ASIP: variants seen among roughly 807,000 people sequenced by gnomAD.
ASIP encodes agouti signaling protein, also known as agouti-signaling protein.
Under a neutral mutation model 10.3 loss-of-function variants are expected in ASIP, and 11 were observed. The observed-to-expected ratio is 1.07, with a 90% CI of 0.68 to 1.78. ASIP has a LOEUF of 1.78. ASIP is among the 40% of genes most tolerant of loss of function. The probability of loss-of-function intolerance (pLI) is 0.00; values close to 1 mark genes in which losing one functional copy is unlikely to be tolerated. For missense variants in ASIP, 180 were observed against 169.2 expected (o/e 1.06, Z -0.35); for synonymous variants, 70 against 70.8 (o/e 0.99, Z 0.06).
At chr20:34,220,192 G>A (rs2035036482) in intron 1 of ASIP, among the ~76,000 whole-genome samples, 1 of 152,064 alleles carries the variant, frequency 6.6e-6, no homozygotes. Flanking sequence ...CCCATAAAAG[G>A]AACAGATAAT....
upstream of ASIP, among the ~76,000 whole-genome samples, chr20:34,192,102 T>C (rs540165376): frequency 6.6e-6 from 1 of 152,022 alleles, no homozygotes; most frequent in Non-Finnish European, 1.5e-5. Context: ...AATGGCCCGA[T>C]CTCGGCTCAC....
chr20:34,255,823 GACCT>G (rs1403262090), intron 1 of ASIP, among the ~76,000 whole-genome samples: 1 of 152,186 alleles, frequency 6.6e-6, no homozygotes, highest in Non-Finnish European at 1.5e-5. Flanking sequence ...TTACCTAGTG[GACCT>G]TGGTCTAGTG....
At chr20:34,249,374 G>A (rs2035436880) in intron 1 of ASIP, among the ~76,000 whole-genome samples, 1 of 151,124 alleles carries the variant, frequency 6.6e-6, no homozygotes, top group Non-Finnish European at 1.5e-5. Flanking sequence ...TTAGACAGCT[G>A]AAGGTGATGT....
At chr20:34,216,072 C>G (rs1265427209) in intron 1 of ASIP, among the ~76,000 whole-genome samples, 1 of 152,402 alleles carries the variant, frequency 6.6e-6, no homozygotes, top group Non-Finnish European at 1.5e-5. Context: ...GGCCCTCGTC[C>G]TTGTCGCCGT....
intron 1 of ASIP, chr20:34,214,039 G>T: frequency 7.2e-7 from 1 of 1,379,968 alleles, no homozygotes; most frequent in Non-Finnish European, 1.0e-6. Context: ...CCTTTCTGCC[G>T]GGTATTCATT....
At chr20:34,250,615 T>C (rs976133615) in intron 1 of ASIP, among the ~76,000 whole-genome samples, 3 of 152,140 alleles carry the variant, frequency 2.0e-5, no homozygotes, top group Non-Finnish European at 2.9e-5. Context: ...CTGGTCAACA[T>C]GGTGAAACCC....
chr20:34,257,365 G>A (rs1053362432), intron 1 of ASIP, among the ~76,000 whole-genome samples: 9 of 152,116 alleles, frequency 5.9e-5, no homozygotes, highest in African/African-American at 9.7e-5. Context: ...GATTATAGGC[G>A]TGAGCCACCA....
At chr20:34,221,765 T>A (rs531276819) in intron 1 of ASIP, among the ~76,000 whole-genome samples, 1 of 152,042 alleles carries the variant, frequency 6.6e-6, no homozygotes, top group African/African-American at 2.4e-5. Flanking sequence ...GCAGTGAAGG[T>A]CTCTAGGGCA....
chr20:34,220,646 A>C (rs933729434), intron 1 of ASIP, among the ~76,000 whole-genome samples: 1 of 152,128 alleles, frequency 6.6e-6, no homozygotes, highest in African/African-American at 2.4e-5. Context: ...ATGGAGAGCA[A>C]GCATTTAACT....
At chr20:34,189,236 C>G in the ASIP span, among the ~76,000 whole-genome samples, 1 of 151,976 alleles carries the variant, frequency 6.6e-6, no homozygotes, top group Non-Finnish European at 1.5e-5. Context: ...AACTGCTCCC[C>G]CTAAGGTTTG....
chr20:34,234,605 C>G (rs1347607077), intron 1 of ASIP, among the ~76,000 whole-genome samples: 1 of 151,896 alleles, frequency 6.6e-6, no homozygotes, highest in Non-Finnish European at 1.5e-5. Context: ...TCCTATAAAC[C>G]AGCCTGACCA....
upstream of ASIP, among the ~76,000 whole-genome samples, chr20:34,193,729 G>A (rs1462626065): frequency 6.6e-6 from 1 of 152,226 alleles, no homozygotes; most frequent in Non-Finnish European, 1.5e-5. Flanking sequence ...TATCTGCAGT[G>A]TAGGCAGCCC....
intron 1 of ASIP, among the ~76,000 whole-genome samples, chr20:34,217,257 G>T (rs1261245324): frequency 6.6e-6 from 1 of 151,888 alleles, no homozygotes; most frequent in African/African-American, 2.4e-5. Context: ...GGGCAACATG[G>T]CAAAACCCCA....
At chr20:34,214,129 G>A in intron 1 of ASIP, 1 of 1,144,710 alleles carries the variant, frequency 8.7e-7, no homozygotes, top group Non-Finnish European at 1.3e-6. Flanking sequence ...CCATTCTCAG[G>A]TGGAGAAAGC....
At chr20:34,241,826 T>G (rs1401887239) in intron 1 of ASIP, among the ~76,000 whole-genome samples, 2 of 152,248 alleles carry the variant, frequency 1.3e-5, no homozygotes, top group African/African-American at 4.8e-5. Flanking sequence ...TTAAATGTCT[T>G]CAGAAAGTTG....
chr20:34,260,567 G>A, intron 2 of ASIP, 33 bp downstream of exon 2: 7 of 1,571,168 alleles, frequency 4.5e-6, no homozygotes, highest in Non-Finnish European at 6.1e-6. Context: ...TCTGGCCCAG[G>A]AGAGGGGCTG....
chr20:34,201,742 C>T (rs2034901347), intron 1 of ASIP, among the ~76,000 whole-genome samples: 1 of 152,196 alleles, frequency 6.6e-6, no homozygotes, highest in African/African-American at 2.4e-5. Flanking sequence ...TGCCGCAAGG[C>T]TGATTTGCTT....
At chr20:34,187,810 T>G in the ASIP span, among the ~76,000 whole-genome samples, 5 of 152,212 alleles carry the variant, frequency 3.3e-5, no homozygotes, top group Non-Finnish European at 7.3e-5. Flanking sequence ...AAAGATACTT[T>G]GGAGTTACTC....
chr20:34,210,937 C>T (rs1601573028), intron 1 of ASIP, among the ~76,000 whole-genome samples: 1 of 152,044 alleles, frequency 6.6e-6, no homozygotes, highest in Non-Finnish European at 1.5e-5. Context: ...TTATATATTT[C>T]TAGTTTGGGT....
Sources: gnomAD v4.1 joint callset for allele counts (sites outside exome capture counted in the v4.1 genomes callset) on GRCh38, gnomAD v4.1.1 for gene constraint, MANE v1.5 for transcripts, NCBI Gene and HGNC (gene_info 2026-07-23, HGNC 2026-07-21) for gene names.